The following MYO5A variants were observed in gnomAD, a reference collection of about 807,000 sequenced individuals.
MYO5A encodes the protein myosin VA.
MYO5A carries 98 observed loss-of-function variants against 249.7 expected under a neutral mutation model. The observed-to-expected ratio is 0.39, with a 90% CI of 0.33 to 0.46. The LOEUF (loss-of-function observed/expected upper bound fraction) is 0.46, where lower values mean the gene tolerates loss of function less well. Among genes scored for constraint, MYO5A ranks in the 20% least tolerant of loss-of-function variants. MYO5A has a pLI of 0.98. For missense variants in MYO5A, 1,696 were observed against 2,308.8 expected, an observed-to-expected ratio of 0.73 and a Z score of 5.44; for synonymous variants, 778 against 810.6, an observed-to-expected ratio of 0.96 and a Z score of 0.68.
chr15:52,426,859 C>T (rs1676627810), intron 3 of MYO5A, among the ~76,000 whole-genome samples: 1 of 150,542 alleles, frequency 6.6e-6, no homozygotes, highest in African/African-American at 2.4e-5. Flanking sequence ...TTCAATAAAT[C>T]TCAGATTAAA....
At chr15:52,476,385 CAT>C (rs2076593498) in intron 1 of MYO5A, among the ~76,000 whole-genome samples, 1 of 152,158 alleles carries the variant, frequency 6.6e-6, no homozygotes, top group African/African-American at 2.4e-5. Context: ...GCATTTAGCC[CAT>C]TTACATTTAA....
intron 1 of MYO5A, among the ~76,000 whole-genome samples, chr15:52,480,519 T>C (rs2076693202): frequency 1.3e-5 from 2 of 152,160 alleles, no homozygotes; most frequent in African/African-American, 2.4e-5. Flanking sequence ...ACCAAGGATG[T>C]CCTGATCCCC....
chr15:52,337,853 T>C lies in MYO5A; in HGVS notation c.4271A>G (p.Lys1424Arg). The change falls in exon 33 of 42, where the codon AAG (lysine) becomes AGG (arginine). Residue 1424 changes from lysine to arginine, a missense_variant. By Grantham distance (26) the Lys-to-Arg change is conservative. Coordinates refer to ENST00000399233, the MANE Select transcript of MYO5A (RefSeq NM_001382347.1). Reference protein sequence around the residue: ...YFEELYADDPKKYQSYRISLY... With the variant: ...YFEELYADDPRKYQSYRISLY... Reference sequence around the variant, plus strand: ...GGAAATCCGATATGATTGATACTTCTTAGGGTCATCTGCATATAATTCCTC... The same window carrying C: ...GGAAATCCGATATGATTGATACTTCCTAGGGTCATCTGCATATAATTCCTC... 6.5e-7 allele frequency: 1 copy of C among 1,546,098 alleles called. No individual in the cohort carries two copies. The highest frequency in any genetic ancestry group is 8.7e-7 in the Non-Finnish European group (1 of 1,143,834).
intron 1 of MYO5A, among the ~76,000 whole-genome samples, chr15:52,526,847 A>G (rs906855298): frequency 9.9e-5 from 15 of 152,170 alleles, no homozygotes; most frequent in African/African-American, 3.6e-4. Context: ...TCCAACAACA[A>G]TTTATTATCC....
At chr15:52,404,846 T>C (rs140273605) in intron 9 of MYO5A, among the ~76,000 whole-genome samples, 2 of 152,310 alleles carry the variant, frequency 1.3e-5, no homozygotes, top group Non-Finnish European at 2.9e-5. Flanking sequence ...GGGTCAGTCA[T>C]GAAGGCCCTT....
At chr15:52,372,862 T>C (rs2041199858) in intron 20 of MYO5A, among the ~76,000 whole-genome samples, 1 of 152,084 alleles carries the variant, frequency 6.6e-6, no homozygotes, top group Non-Finnish European at 1.5e-5. Context: ...CACTATGCAT[T>C]ATTAGGCCCG....
At chr15:52,426,031 A>C (rs988079392) in intron 3 of MYO5A, 57 bp from the exon 4 acceptor site, 2 of 1,470,022 alleles carry the variant, frequency 1.4e-6, no homozygotes, top group Non-Finnish European at 1.9e-6. Context: ...CCTAATGGGC[A>C]TATCAAACTT....
At chr15:52,482,133 A>G (rs1211427872) in intron 1 of MYO5A, among the ~76,000 whole-genome samples, 1 of 152,220 alleles carries the variant, frequency 6.6e-6, no homozygotes, top group Non-Finnish European at 1.5e-5. Context: ...ACAGGCAAAG[A>G]TCATACGGAG....
intron 1 of MYO5A, among the ~76,000 whole-genome samples, chr15:52,482,078 T>C (rs997023757): frequency 6.6e-6 from 1 of 152,168 alleles, no homozygotes; most frequent in East Asian, 1.9e-4. Context: ...TTTATATTCT[T>C]GTGACCACAA....
At chr15:52,493,315 C>A (rs187892391) in intron 1 of MYO5A, among the ~76,000 whole-genome samples, 2 of 152,332 alleles carry the variant, frequency 1.3e-5, no homozygotes, top group East Asian at 3.9e-4. Context: ...TATGTAGCCA[C>A]TCTTTCCCAT....
At position 52,466,766 on chromosome 15, in the gene MYO5A, G is replaced by C. The variant is rs76690963; in HGVS notation, c.28-33481C>G. Among the ~76,000 whole-genome samples the C allele has an allele frequency of 2.2e-3, 335 of 152,310 alleles. 3 individuals carry two copies. The highest frequency in any genetic ancestry group is 7.7e-3 in the African/African-American group (320 of 41,562). ...CAGCTTTGCCCCCCACTCCAAGATA[G>C]GGTGCAGGATCCAGGCCCCTGGGGG... is the stretch of plus-strand genomic sequence containing the variant. On this transcript the variant is annotated intron_variant, in intron 1 of 41. Transcript: ENST00000399233.
At chr15:52,315,987 C>A (rs193245824) in intron 40 of MYO5A, among the ~76,000 whole-genome samples, 3,701 of 152,042 alleles carry the variant, frequency 0.024, 139 homozygotes, top group African/African-American at 0.085. Flanking sequence ...GTAATCCCAA[C>A]ACTTTGGGAG....
intron 1 of MYO5A, among the ~76,000 whole-genome samples, chr15:52,506,310 C>T (rs898020922): frequency 3.3e-5 from 5 of 151,924 alleles, no homozygotes; most frequent in African/African-American, 4.8e-5. Context: ...AAGACTGCGC[C>T]GCTGCACTCC....
rs1170710181 is a variant in MYO5A, at chr15:52,483,538, C to CAAA, written c.27+45241_27+45242insTTT. Among the ~76,000 whole-genome samples, 694 of 149,330 alleles carry CAAA rather than the reference C, an allele frequency of 4.6e-3. 6 individuals are homozygous for CAAA. Among genetic ancestry groups the CAAA allele is most frequent in the Admixed American group, 0.018 (267 of 14,910 alleles). On this transcript the variant is annotated intron_variant, in intron 1 of 41. Coordinates refer to ENST00000399233, the MANE Select transcript of MYO5A (RefSeq NM_001382347.1). ...GCAATATATTTAAAAACAACAACAACAACAAAAAACTATGGGTGCAAGGAC... is the reference window on the plus strand; with the variant it reads ...GCAATATATTTAAAAACAACAACAACAAAAACAAAAAACTATGGGTGCAAGGAC...
chr15:52,366,559 A>G (rs2040815164), intron 23 of MYO5A, among the ~76,000 whole-genome samples: 1 of 146,638 alleles, frequency 6.8e-6, no homozygotes, highest in South Asian at 2.2e-4. Flanking sequence ...TTAGTTCTCT[A>G]TTTTAAAAAT....
At chr15:52,393,470 T>C (rs567718387) in intron 11 of MYO5A, among the ~76,000 whole-genome samples, 1 of 152,014 alleles carries the variant, frequency 6.6e-6, no homozygotes, top group South Asian at 2.1e-4. Context: ...CTGGGCTCAC[T>C]GCAACCTCCA....
At chr15:52,486,141 G>T (rs764952698) in intron 1 of MYO5A, among the ~76,000 whole-genome samples, 7 of 152,102 alleles carry the variant, frequency 4.6e-5, no homozygotes, top group Non-Finnish European at 8.8e-5. Flanking sequence ...TACAAGCGAG[G>T]TTCTGCGTTA....
At chr15:52,523,203 T>C (rs2141666820) in intron 1 of MYO5A, among the ~76,000 whole-genome samples, 1 of 152,252 alleles carries the variant, frequency 6.6e-6, no homozygotes, top group South Asian at 2.1e-4. Context: ...ATTTATCCTC[T>C]TCTTTCCCAC....
chr15:52,415,017 T>C (rs998603201), intron 5 of MYO5A, among the ~76,000 whole-genome samples: 7 of 152,148 alleles, frequency 4.6e-5, no homozygotes, highest in Non-Finnish European at 8.8e-5. Context: ...TCCCAAAAAG[T>C]AGAAGTCCTG....
Sources: gnomAD v4.1 joint callset for allele counts (sites outside exome capture counted in the v4.1 genomes callset) on GRCh38, gnomAD v4.1.1 for gene constraint, MANE v1.5 for transcripts, NCBI Gene and HGNC (gene_info 2026-07-23, HGNC 2026-07-21) for gene names.